ABLIM2: variants seen among roughly 807,000 people sequenced by gnomAD.
The protein encoded by ABLIM2 is actin binding LIM protein family member 2, also known as actin-binding LIM protein 2.
Under a neutral mutation model 97.7 loss-of-function variants are expected in ABLIM2, and 53 were observed. The observed-to-expected ratio is 0.54, with a 90% CI of 0.44 to 0.68. The LOEUF is 0.68. ABLIM2 is among the 30% of genes least tolerant of loss of function. The probability of loss-of-function intolerance (pLI) is 0.00; values close to 1 mark genes in which losing one functional copy is unlikely to be tolerated. For synonymous variants in ABLIM2, 361 were observed against 345.8 expected (o/e 1.04, Z -0.49); for missense variants, 835 against 867.2 (o/e 0.96, Z 0.47).
At chr4:8,066,680 T>C (rs1228573041) in intron 6 of ABLIM2, 1 of 151,816 alleles carries the variant, frequency 6.6e-6, no homozygotes, top group African/African-American at 2.4e-5. Context: ...TCCTTCACTA[T>C]GGAAAATCCG....
At chr4:8,056,112 CAAAAAAAAA>C (rs60992903) in intron 7 of ABLIM2, among the ~76,000 whole-genome samples, 1,040 of 68,362 alleles carry the variant, frequency 0.015, 29 homozygotes, top group African/African-American at 0.065. Flanking sequence ...GACTCTGTCT[CAAAAAAAAA>C]AAAAAAAAAA....
At chr4:8,038,649 G>T (rs1043564803) in intron 9 of ABLIM2, among the ~76,000 whole-genome samples, 4 of 152,120 alleles carry the variant, frequency 2.6e-5, no homozygotes, top group African/African-American at 9.7e-5. Flanking sequence ...TGGGTCTTGG[G>T]GTGAACCCTG....
At position 7,965,548 on chromosome 4, in the gene ABLIM2, C is replaced by T. The variant is rs987632845; in HGVS notation, c.*1442G>A. ...GGGCGCTAAGGAAACGGAGTAAGGC[C>T]GACTCACAGGCAGGAACATCGGGAC... On this transcript the variant is annotated 3_prime_UTR_variant, in exon 21 of 21. Transcript: ENST00000447017. 3 of 152,448 alleles carry T rather than the reference C, an allele frequency of 2.0e-5. No individual in the cohort carries two copies. The highest frequency in any genetic ancestry group is 1.9e-4 in the East Asian group (1 of 5,182). 9.4% of individuals were successfully genotyped at this position (152,448 alleles called of 1,614,324 possible).
intron 1 of ABLIM2, among the ~76,000 whole-genome samples, chr4:8,116,053 C>A (rs1842636222): frequency 6.6e-6 from 1 of 152,242 alleles, no homozygotes; most frequent in African/African-American, 2.4e-5. Flanking sequence ...GCTCCCAGCT[C>A]TTGAGTCACT....
chr4:7,993,456 G>A (rs987233929), intron 16 of ABLIM2, among the ~76,000 whole-genome samples: 4 of 152,194 alleles, frequency 2.6e-5, no homozygotes, highest in African/African-American at 9.6e-5. Context: ...GGCCAAGGTG[G>A]GAAAATCACT....
intron 17 of ABLIM2, among the ~76,000 whole-genome samples, chr4:7,987,579 G>T (rs935511551): frequency 6.6e-6 from 1 of 152,168 alleles, no homozygotes; most frequent in Admixed American, 6.5e-5. Flanking sequence ...CTGCCCCCTA[G>T]TGCCCATCGC....
rs1809401437 is a variant in ABLIM2 at position 8,068,275 on chromosome 4, G to A, written c.676-7221C>T. 6.6e-6 allele frequency among the ~76,000 whole-genome samples: 1 copy of A among 152,184 alleles called. No homozygotes were observed. The highest frequency in any genetic ancestry group is 1.5e-5 in the Non-Finnish European group (1 of 68,020). On this transcript the variant is annotated intron_variant, in intron 6 of 20. Coordinates refer to ENST00000447017, the MANE Select transcript of ABLIM2 (RefSeq NM_001130083.2). The surrounding 1 kb of genome is among the most constrained non-coding windows in gnomAD (Gnocchi z 4.5). ...CAACTGAAAGACTTTGCAGTGAGTGGTTTTAGGAAGACATCTTGTGCCTTC... is the reference window on the plus strand; with the variant it reads ...CAACTGAAAGACTTTGCAGTGAGTGATTTTAGGAAGACATCTTGTGCCTTC...
Position 8,002,952 on chromosome 4 carries a change from C to A in ABLIM2, c.1618+5107G>T, listed in dbSNP as rs935993015. On this transcript the variant is annotated intron_variant, in intron 16 of 20. Transcript: ENST00000447017. The surrounding 1 kb of genome is among the most constrained non-coding windows in gnomAD (Gnocchi z 6.1). ...GCACCCTTCCCCCAGCCCTCTCTAGCCCTCTTAGCACAGGGCACTGATATA... is the reference window on the plus strand; with the variant it reads ...GCACCCTTCCCCCAGCCCTCTCTAGACCTCTTAGCACAGGGCACTGATATA... 1.3e-5 allele frequency among the ~76,000 whole-genome samples: 2 copies of A among 152,230 alleles called. No homozygotes were observed. Among genetic ancestry groups the A allele is most frequent in the East Asian group, 3.8e-4 (2 of 5,198 alleles).
In ABLIM2 at chr4:8,083,610, G is replaced by A. The variant is rs1438904605; in HGVS notation, c.455-2808C>T. On this transcript the variant is annotated intron_variant, in intron 4 of 20. Coordinates refer to ENST00000447017, the MANE Select transcript of ABLIM2 (RefSeq NM_001130083.2). This position sits in a 1 kb window ranked among gnomAD's most constrained non-coding sequence, Gnocchi z 4.6. ...GAGATGAGAGCAAGGTGCAAAAGGA[G>A]CGTTGCCATGGAAACCACATCCTCA... 1.3e-5 allele frequency among the ~76,000 whole-genome samples: 2 copies of A among 152,240 alleles called. No homozygotes were observed. Among genetic ancestry groups the A allele is most frequent in the East Asian group, 1.9e-4 (1 of 5,196 alleles).
rs2152943296 is a variant in ABLIM2, at chr4:8,140,061, A to G, written c.10+18619T>C. Among the ~76,000 whole-genome samples, 1 of 136,534 alleles carries G rather than the reference A, an allele frequency of 7.3e-6. No homozygotes were observed. 89.6% of individuals were successfully genotyped at this position (136,534 alleles called of 152,430 possible). On this transcript the variant is annotated intron_variant, in intron 1 of 20. Transcript: ENST00000447017. This position sits in a 1 kb window ranked among gnomAD's most constrained non-coding sequence, Gnocchi z 5.9. ...AGTGGGAGCTGAACAGTGAGAACAC[A>G]TGGAAACGGGGAGACGAACAACACA...
intron 1 of ABLIM2, among the ~76,000 whole-genome samples, chr4:8,139,137 C>T (rs1228264652): frequency 1.3e-5 from 2 of 151,412 alleles, no homozygotes; most frequent in African/African-American, 4.9e-5. Context: ...GCGGAGGTTG[C>T]AGGGAGCCGA....
In ABLIM2 at chr4:8,003,137, G is replaced by A. The variant is rs547326268; in HGVS notation, c.1618+4922C>T. 2.2e-3 allele frequency among the ~76,000 whole-genome samples: 333 copies of A among 152,340 alleles called. 1 individual carries two copies. The highest frequency in any genetic ancestry group is 6.8e-3 in the Middle Eastern group (2 of 294). On this transcript the variant is annotated intron_variant, in intron 16 of 20. Coordinates refer to ENST00000447017, the MANE Select transcript of ABLIM2 (RefSeq NM_001130083.2). The surrounding 1 kb of genome is among the most constrained non-coding windows in gnomAD (Gnocchi z 4.2). ...CATGAAATACAGAGAGATGCCCCTT[G>A]GCTTACCACGGGCTCATCATATCCC...
In ABLIM2 at chr4:7,980,189, T is replaced by C. The variant is rs1166170556; in HGVS notation, c.1824+3075A>G. 2.0e-5 allele frequency among the ~76,000 whole-genome samples: 3 copies of C among 152,092 alleles called. No individual in the cohort carries two copies. In the East Asian group the frequency reaches 5.8e-4, roughly 29 times the overall value. On this transcript the variant is annotated intron_variant, in intron 20 of 20. Coordinates refer to ENST00000447017, the MANE Select transcript of ABLIM2 (RefSeq NM_001130083.2). ...ATTTCAAAGAAACCTACAAACCTAG[T>C]TCAGGCCATGAAGGGAAGAGGGGGC...
At chr4:8,060,642 G>A (rs994311394) in intron 7 of ABLIM2, among the ~76,000 whole-genome samples, 10 of 152,220 alleles carry the variant, frequency 6.6e-5, no homozygotes, top group Non-Finnish European at 1.2e-4. Flanking sequence ...CTAAAGTGGC[G>A]ACGGATGTGA....
intron 9 of ABLIM2, among the ~76,000 whole-genome samples, chr4:8,039,015 C>T (rs140624820): frequency 6.6e-6 from 1 of 152,272 alleles, no homozygotes; most frequent in African/African-American, 2.4e-5. Context: ...GAAGGCCCCT[C>T]CTCGAGGCTT....
In ABLIM2 at chr4:8,036,022, C is replaced by T. The variant is rs982527645; in HGVS notation, c.1047+127G>A. Reference sequence around the variant, plus strand: ...ATCTGATGGGCGTGAAGAGGCTGAGCGTGTGGGTGAGTGGTGAAGATGGAA... The same window carrying T: ...ATCTGATGGGCGTGAAGAGGCTGAGTGTGTGGGTGAGTGGTGAAGATGGAA... On this transcript the variant is annotated intron_variant, in intron 10 of 20. Coordinates refer to ENST00000447017, the MANE Select transcript of ABLIM2 (RefSeq NM_001130083.2). The T allele has an allele frequency of 1.6e-4, 184 of 1,165,462 alleles. 1 individual carries two copies. Among genetic ancestry groups the T allele is most frequent in the Non-Finnish European group, 6.9e-5 (58 of 836,900 alleles). The allele number at this position is 1,165,462 out of a possible 1,614,324, so 72.2% of individuals were successfully genotyped here.
rs1779610493 is a variant in ABLIM2, at chr4:8,029,642, A to G, written c.1168+14T>C. On this transcript the variant is annotated intron_variant, in intron 11 of 20. Coordinates refer to ENST00000447017, the MANE Select transcript of ABLIM2 (RefSeq NM_001130083.2). ...AGCATCCTGGGGGCTCAGAGGAACC[A>G]GGGGGCCAAGTACCTGGACGGCTGT... The G allele has an allele frequency of 6.7e-7, 1 of 1,498,052 alleles. No individual in the cohort carries two copies. The highest frequency in any genetic ancestry group is 9.0e-7 in the Non-Finnish European group (1 of 1,113,230). The allele number at this position is 1,498,052 out of a possible 1,614,324, so 92.8% of individuals were successfully genotyped here.
Position 8,066,388 on chromosome 4 carries a change from A to G in ABLIM2, c.676-5334T>C, listed in dbSNP as rs1354131912. On this transcript the variant is annotated intron_variant, in intron 6 of 20. Coordinates refer to ENST00000447017, the MANE Select transcript of ABLIM2 (RefSeq NM_001130083.2). ...AAGGAAGGAAGGAAGGAAGGAAGGA[A>G]GGAAGGAAGGAAGGAAGGAAGGAAG... 7.2e-3 allele frequency: 641 copies of G among 89,422 alleles called. 51 individuals are homozygous for G. Among genetic ancestry groups the G allele is most frequent in the East Asian group, 0.057 (96 of 1,682 alleles). The allele number at this position is 89,422 out of a possible 1,614,324, so 5.5% of individuals were successfully genotyped here.
Position 8,082,409 on chromosome 4 carries a change from T to C in ABLIM2, c.455-1607A>G, listed in dbSNP as rs1051741134. Among the ~76,000 whole-genome samples, 4 of 152,190 alleles carry C rather than the reference T, an allele frequency of 2.6e-5. No individual in the cohort carries two copies. Among genetic ancestry groups the C allele is most frequent in the African/African-American group, 4.8e-5 (2 of 41,444 alleles). ...ACACAGAAGACCTGGCCCAAAGCCT[T>C]GCGCATCCCGGGTGAACAGTGAGCA... On this transcript the variant is annotated intron_variant, in intron 4 of 20. Transcript: ENST00000447017. The surrounding 1 kb of genome is among the most constrained non-coding windows in gnomAD (Gnocchi z 5.6).
Sources: allele counts gnomAD v4.1 joint callset (sites outside exome capture counted in the v4.1 genomes callset), GRCh38; gene constraint gnomAD v4.1.1; non-coding constraint Gnocchi (gnomAD v3.1); transcripts MANE v1.5; gene names NCBI Gene and HGNC (gene_info 2026-07-23, HGNC 2026-07-21).